The following SNX9 variants were observed in gnomAD, a reference collection of about 807,000 sequenced individuals.
SNX9 encodes the protein sorting nexin-9.
SNX9 carries 44 observed loss-of-function variants against 89.4 expected under a neutral mutation model. The ratio of observed to expected loss-of-function variants is 0.49; its 90% confidence interval spans 0.39 to 0.63. The LOEUF is 0.63. SNX9 is among the 30% of genes least tolerant of loss of function. The probability of loss-of-function intolerance (pLI) is 0.00; values close to 1 mark genes in which losing one functional copy is unlikely to be tolerated. For missense variants in SNX9, 578 were observed against 736.1 expected (o/e 0.79, Z 2.49); for synonymous variants, 236 against 247.8 (o/e 0.95, Z 0.45).
rs532755644 is a variant in SNX9 at position 157,912,640 on chromosome 6, T to C, written c.949+2615T>C. On this transcript the variant is annotated intron_variant, in intron 9 of 17. Transcript: ENST00000392185. ...TATTATGTAAGAATTCCCCTCTCGC[T>C]CAACTACTGGAGAAAAGAAAAAGGA... Among the ~76,000 whole-genome samples the C allele has an allele frequency of 3.9e-5, 6 of 152,308 alleles. No homozygotes were observed. The East Asian group carries it at 1.2e-3, about 29-fold the overall frequency.
chr6:157,846,876 A>G (rs1781815577), intron 1 of SNX9, among the ~76,000 whole-genome samples: 1 of 152,104 alleles, frequency 6.6e-6, no homozygotes, highest in Admixed American at 6.5e-5. Flanking sequence ...GCGAAACCTC[A>G]TCTCAACTAA....
At chr6:157,876,862 C>T (rs539714663) in intron 4 of SNX9, among the ~76,000 whole-genome samples, 47 of 152,346 alleles carry the variant, frequency 3.1e-4, no homozygotes, top group Non-Finnish European at 6.0e-4. Context: ...GTCACATGCA[C>T]GCCACCTCAG....
rs1177340352 is a variant in SNX9 at position 157,823,627 on chromosome 6, C to T, written c.12+181C>T. Among the ~76,000 whole-genome samples, 4 of 151,852 alleles carry T rather than the reference C, an allele frequency of 2.6e-5. No homozygotes were observed. Among genetic ancestry groups the T allele is most frequent in the South Asian group, 4.1e-4 (2 of 4,820 alleles). On this transcript the variant is annotated intron_variant, in intron 1 of 17. Coordinates refer to ENST00000392185, the MANE Select transcript of SNX9 (RefSeq NM_016224.5). The surrounding 1 kb of genome is among the most constrained non-coding windows in gnomAD (Gnocchi z 4.6). ...CAGTCCCTTCTGGGCATGGGTGCGG[C>T]GGGCAGTGCAGACAGACCACCAGGA...
intron 9 of SNX9, among the ~76,000 whole-genome samples, chr6:157,912,492 G>A (rs371980112): frequency 1.1e-3 from 173 of 152,304 alleles, no homozygotes; most frequent in Middle Eastern, 3.4e-3. Context: ...GCAGCCCCTC[G>A]GTGTGAAGAA....
intron 1 of SNX9, among the ~76,000 whole-genome samples, chr6:157,846,114 A>C (rs1481386876): frequency 6.6e-6 from 1 of 152,230 alleles, no homozygotes; most frequent in Non-Finnish European, 1.5e-5. Flanking sequence ...CTGCCTTCGC[A>C]TCTGATGCAT....
intron 5 of SNX9, among the ~76,000 whole-genome samples, chr6:157,900,408 A>G (rs895799416): frequency 6.6e-6 from 1 of 152,134 alleles, no homozygotes; most frequent in Admixed American, 6.5e-5. Flanking sequence ...CTCCCAGCCT[A>G]TTGCGGGATC....
At chr6:157,914,469 C>CTTTTTTTTTTTTTTTT (rs34419515) in intron 9 of SNX9, among the ~76,000 whole-genome samples, 1 of 75,114 alleles carries the variant, frequency 1.3e-5, no homozygotes, top group African/African-American at 5.6e-5. Context: ...TTTTCTTTTT[C>CTTTTTTTTTTTTTTTT]TTTTTTTTTT....
At position 157,837,008 on chromosome 6, in the gene SNX9, C is replaced by T. The variant is rs118072414; in HGVS notation, c.12+13562C>T. ...ATAAAAGAAAGAACTTGGGTTCTGT[C>T]CTTGGTTGGTCCCTAAGATCTGTGA... is the stretch of plus-strand genomic sequence containing the variant. On this transcript the variant is annotated intron_variant, in intron 1 of 17. Coordinates refer to ENST00000392185, the MANE Select transcript of SNX9 (RefSeq NM_016224.5). Among the ~76,000 whole-genome samples, 6 of 152,310 alleles carry T rather than the reference C, an allele frequency of 3.9e-5. No individual in the cohort carries two copies. In the East Asian group the frequency reaches 5.8e-4, roughly 15 times the overall value.
intron 2 of SNX9, among the ~76,000 whole-genome samples, chr6:157,870,241 C>T (rs1782368592): frequency 6.6e-6 from 1 of 151,292 alleles, no homozygotes; most frequent in Non-Finnish European, 1.5e-5. Context: ...TCCCCTCAGA[C>T]ACTCTCACCT....
chr6:157,872,840 G>T, intron 2 of SNX9: 1 of 291,782 alleles, frequency 3.4e-6, no homozygotes, highest in Non-Finnish European at 6.4e-6. Context: ...ACACAGACAA[G>T]ATGAGGGTCA....
At chr6:157,921,808 C>A (rs1783589732) in intron 10 of SNX9, 147 bp downstream of exon 10, 2 of 962,080 alleles carry the variant, frequency 2.1e-6, no homozygotes, top group South Asian at 1.8e-5. Flanking sequence ...CCTAAATCCC[C>A]ACCATAGGAA....
intron 1 of SNX9, among the ~76,000 whole-genome samples, chr6:157,860,537 A>G (rs1223048716): frequency 6.6e-6 from 1 of 152,264 alleles, no homozygotes; most frequent in Non-Finnish European, 1.5e-5. Flanking sequence ...TCGTGATGGT[A>G]CATGTGATAT....
chr6:157,941,173 G>T (rs1717309410), intron 17 of SNX9, among the ~76,000 whole-genome samples, 199 bp downstream of exon 17: 1 of 152,166 alleles, frequency 6.6e-6, no homozygotes, highest in South Asian at 2.1e-4. Flanking sequence ...GGTTAAAAAA[G>T]ATTTTCTTCT....
At chr6:157,927,412 A>G (rs923493024) in intron 11 of SNX9, among the ~76,000 whole-genome samples, 198 bp downstream of exon 11, 1 of 152,200 alleles carries the variant, frequency 6.6e-6, no homozygotes, top group East Asian at 1.9e-4. Flanking sequence ...ACATCAAATT[A>G]CAATCTTTCT....
At chr6:157,870,263 T>TA in intron 2 of SNX9, among the ~76,000 whole-genome samples, 1 of 143,564 alleles carries the variant, frequency 7.0e-6, no homozygotes, top group Middle Eastern at 4.2e-3. Flanking sequence ...CTCTCTCACA[T>TA]CCCCACGCTC....
chr6:157,850,395 G>T (rs1165257706), intron 1 of SNX9, among the ~76,000 whole-genome samples: 1 of 152,172 alleles, frequency 6.6e-6, no homozygotes, highest in East Asian at 1.9e-4. Context: ...AATATGTGGG[G>T]TTGAGGGATG....
chr6:157,922,904 G>A (rs1783611585), intron 10 of SNX9, among the ~76,000 whole-genome samples: 1 of 152,222 alleles, frequency 6.6e-6, no homozygotes, highest in Non-Finnish European at 1.5e-5. Context: ...TGTAGTTACA[G>A]AAACTACAGG....
intron 4 of SNX9, among the ~76,000 whole-genome samples, chr6:157,884,597 A>AC (rs375355745): frequency 1.3e-4 from 20 of 151,230 alleles, no homozygotes; most frequent in South Asian, 6.3e-4. Flanking sequence ...TCTCACTCCC[A>AC]CCCCCCCGTA....
chr6:157,906,245 T>C (rs762371420), intron 7 of SNX9, 33 bp downstream of exon 7: 5 of 1,540,732 alleles, frequency 3.2e-6, no homozygotes, highest in Non-Finnish European at 4.4e-6. Context: ...GCTTTCTTTC[T>C]GATTAAGCTC....
Sources: gnomAD v4.1 joint callset for allele counts (sites outside exome capture counted in the v4.1 genomes callset) on GRCh38, gnomAD v4.1.1 for gene constraint, Gnocchi (gnomAD v3.1) non-coding constraint, MANE v1.5 for transcripts, NCBI Gene and HGNC (gene_info 2026-07-23, HGNC 2026-07-21) for gene names.